Variants in MXI1 observed in about 807,000 individuals in gnomAD.
MXI1 encodes max-interacting protein 1.
Under a neutral mutation model 36.9 loss-of-function variants are expected in MXI1, and 18 were observed. The observed-to-expected ratio is 0.49, with a 90% CI of 0.34 to 0.72. The LOEUF (loss-of-function observed/expected upper bound fraction) is 0.72. Among genes scored for constraint, MXI1 ranks in the 30% least tolerant of loss-of-function variants. The pLI is 0.01. For synonymous variants in MXI1, 160 were observed against 146.7 expected, an observed-to-expected ratio of 1.09 and a Z score of -0.65; for missense variants, 304 against 379.1, an observed-to-expected ratio of 0.80 and a Z score of 1.64.
At chr10:110,220,014 A>G (rs184594497) in intron 1 of MXI1, among the ~76,000 whole-genome samples, 17 of 152,326 alleles carry the variant, frequency 1.1e-4, no homozygotes, top group Admixed American at 9.1e-4. Context: ...AGACACTCCT[A>G]CAATGTTTCT....
intron 3 of MXI1, among the ~76,000 whole-genome samples, chr10:110,263,776 T>A (rs898720121): frequency 7.9e-5 from 12 of 152,220 alleles, no homozygotes; most frequent in Non-Finnish European, 1.3e-4. Context: ...CCTTCTGATT[T>A]TTTTGTTTCT....
In MXI1 at chr10:110,273,895, A is replaced by G. The variant is rs548156923; in HGVS notation, c.438-5285A>G. 3.3e-5 allele frequency among the ~76,000 whole-genome samples: 5 copies of G among 152,278 alleles called. No individual in the cohort carries two copies. In the South Asian group the frequency reaches 1.0e-3, roughly 32 times the overall value. The stretch of plus-strand genomic sequence containing the variant: ...GTGGGGCCAGGCGGGGGTTAGATCT[A>G]TTATTGTTGGACAGGGGTATTAGAG... On this transcript the variant is annotated intron_variant, in intron 3 of 5. Transcript: ENST00000332674.
intron 3 of MXI1, among the ~76,000 whole-genome samples, chr10:110,265,726 G>A (rs2134439921): frequency 6.6e-6 from 1 of 152,318 alleles, no homozygotes; most frequent in East Asian, 1.9e-4. Context: ...GTGCTAAGTT[G>A]TATGTGTTTG....
chr10:110,268,947 A>G (rs980304372), intron 3 of MXI1, among the ~76,000 whole-genome samples: 1 of 152,236 alleles, frequency 6.6e-6, no homozygotes, highest in Non-Finnish European at 1.5e-5. Context: ...ATTAACAACA[A>G]CAACAACACA....
At chr10:110,246,301 T>A (rs1428269189) in intron 3 of MXI1, among the ~76,000 whole-genome samples, 1 of 152,034 alleles carries the variant, frequency 6.6e-6, no homozygotes, top group Non-Finnish European at 1.5e-5. Flanking sequence ...CCAACCTGTG[T>A]GACAGAGAGT....
chr10:110,252,756 T>G (rs961782187), intron 3 of MXI1, among the ~76,000 whole-genome samples: 22 of 152,134 alleles, frequency 1.4e-4, no homozygotes, highest in African/African-American at 4.8e-4. Flanking sequence ...ATAGTAGATT[T>G]ATAATCAACA....
Position 110,286,012 on chromosome 10 carries a change from A to C in MXI1, c.*1025A>C, listed in dbSNP as rs1857419537. 6.5e-6 allele frequency: 1 copy of C among 152,690 alleles called. No homozygotes were observed. The highest frequency in any genetic ancestry group is 1.5e-5 in the Non-Finnish European group (1 of 68,052). 9.5% of individuals were successfully genotyped at this position (152,690 alleles called of 1,614,324 possible). On this transcript the variant is annotated 3_prime_UTR_variant, in exon 6 of 6. Transcript: ENST00000332674. ...GGAAAAAAATCATCTATTTTGATGC[A>C]GCATTTGATAATGATAAAACACCTC...
intron 5 of MXI1, among the ~76,000 whole-genome samples, chr10:110,281,620 T>C (rs1017046167): frequency 1.3e-5 from 2 of 152,222 alleles, no homozygotes; most frequent in Admixed American, 6.5e-5. Context: ...TATATAGGTA[T>C]AGATCTGTGT....
chr10:110,214,204 A>G (rs1854573612), intron 1 of MXI1, among the ~76,000 whole-genome samples: 1 of 152,228 alleles, frequency 6.6e-6, no homozygotes, highest in African/African-American at 2.4e-5. Flanking sequence ...TGACTTACTC[A>G]AGGTCACCCA....
intron 1 of MXI1, among the ~76,000 whole-genome samples, chr10:110,213,613 G>C (rs915956568): frequency 7.9e-5 from 12 of 152,220 alleles, no homozygotes; most frequent in Non-Finnish European, 1.3e-4. Flanking sequence ...CCCAAGGACT[G>C]TGTGTCCTGG....
intron 3 of MXI1, among the ~76,000 whole-genome samples, chr10:110,248,104 C>A (rs1009679211): frequency 3.3e-5 from 5 of 152,164 alleles, no homozygotes; most frequent in African/African-American, 1.2e-4. Context: ...GACAAAAACA[C>A]AAACACTGCG....
chr10:110,257,858 A>AAAAC (rs199552647), intron 3 of MXI1: 9 of 323,598 alleles, frequency 2.8e-5, no homozygotes, highest in East Asian at 8.6e-5. Flanking sequence ...AGGTGTTTAA[A>AAAAC]AAACAAACAA....
intron 1 of MXI1, among the ~76,000 whole-genome samples, chr10:110,209,980 C>T (rs1854468167): frequency 6.7e-6 from 1 of 148,682 alleles, no homozygotes; most frequent in African/African-American, 2.5e-5. Flanking sequence ...GGAGATTCCT[C>T]AGCGTCCCGC....
chr10:110,226,124 ACGGCGCCCGGCCGTAGCCGCCTG>A, intron 1 of MXI1: 2 of 1,247,722 alleles, frequency 1.6e-6, no homozygotes, highest in East Asian at 3.3e-5. Flanking sequence ...ATGTTCCGGA[ACGGCGCCCGGCCGTAGCCGCCTG>A]CGGCGCCTCC....
chr10:110,253,678 C>G (rs1271749757), intron 3 of MXI1, among the ~76,000 whole-genome samples: 1 of 152,010 alleles, frequency 6.6e-6, no homozygotes, highest in East Asian at 1.9e-4. Flanking sequence ...AACTTTTATT[C>G]TAGGTTTGAA....
rs747147019 is a variant in MXI1, at chr10:110,285,154, C to T, written c.*167C>T. ...CAGAGGACCTGTATTTAAGCAAATA[C>T]TTAGCAAAAAGTGGGGCAGAGCCTC... On this transcript the variant is annotated 3_prime_UTR_variant, in exon 6 of 6. Transcript: ENST00000332674. 7.0e-6 allele frequency: 4 copies of T among 572,552 alleles called. No homozygotes were observed. In the African/African-American group the frequency reaches 7.8e-5, roughly 11 times the overall value. 35.5% of individuals were successfully genotyped at this position (572,552 alleles called of 1,614,324 possible).
chr10:110,281,911 G>C (rs1203928418), intron 5 of MXI1, among the ~76,000 whole-genome samples: 1 of 152,122 alleles, frequency 6.6e-6, no homozygotes, highest in Non-Finnish European at 1.5e-5. Flanking sequence ...TAAATGTATA[G>C]CCTTTAACTT....
At chr10:110,235,556 C>T (rs187100519) in intron 2 of MXI1, among the ~76,000 whole-genome samples, 301 of 151,520 alleles carry the variant, frequency 2.0e-3, no homozygotes, top group African/African-American at 7.2e-3. Context: ...GGCATGGTGG[C>T]GGGTGCCTGT....
At chr10:110,243,990 CACTTTAT>C (rs747888720) in intron 2 of MXI1, among the ~76,000 whole-genome samples, 14 of 151,994 alleles carry the variant, frequency 9.2e-5, no homozygotes, top group Non-Finnish European at 1.9e-4. Flanking sequence ...TCATGGCTGC[CACTTTAT>C]ACTCTTGGGA....
Sources: gnomAD v4.1 joint callset for allele counts (sites outside exome capture counted in the v4.1 genomes callset) on GRCh38, gnomAD v4.1.1 for gene constraint, MANE v1.5 for transcripts, NCBI Gene and HGNC (gene_info 2026-07-23, HGNC 2026-07-21) for gene names.